Variants in SPICE1 observed in about 807,000 individuals in gnomAD.
The protein encoded by SPICE1 is spindle and centriole-associated protein 1.
SPICE1 carries 75 observed loss-of-function variants against 102.7 expected under a neutral mutation model. The observed-to-expected ratio is 0.73, with a 90% confidence interval of 0.61 to 0.88. The LOEUF is 0.88. SPICE1 is among the 40% of genes least tolerant of loss of function. The pLI is 0.00. For missense variants in SPICE1, 979 were observed against 1,020.1 expected (o/e 0.96, Z 0.55); for synonymous variants, 308 against 350.3 (o/e 0.88, Z 1.35).
chr3:113,472,297 G>A (rs1233271522), intron 7 of SPICE1, among the ~76,000 whole-genome samples: 1 of 152,236 alleles, frequency 6.6e-6, no homozygotes, highest in Non-Finnish European at 1.5e-5. Flanking sequence ...CAACTGGGTG[G>A]AGCCCACCAC....
intron 1 of SPICE1, among the ~76,000 whole-genome samples, chr3:113,506,949 G>A (rs1434620040): frequency 6.6e-6 from 1 of 152,162 alleles, no homozygotes; most frequent in Non-Finnish European, 1.5e-5. Context: ...GTAGAAAATA[G>A]CCCAGTCACA....
intron 13 of SPICE1, among the ~76,000 whole-genome samples, 170 bp downstream of exon 13, chr3:113,456,966 T>C (rs548605270): frequency 5.9e-5 from 9 of 152,378 alleles, no homozygotes; most frequent in Admixed American, 2.6e-4. Context: ...ATGTCACACA[T>C]GACCACAGGT....
Position 113,443,820 on chromosome 3 carries a change from G to A in SPICE1, c.*1487C>T, listed in dbSNP as rs778654010. ...GAGGATAATAGTACCTATCCCATAA[G>A]GTGTCATGAAGCACATAAAGTGGCT... On this transcript the variant is annotated 3_prime_UTR_variant, in exon 18 of 18. Coordinates refer to ENST00000295872, the MANE Select transcript of SPICE1 (RefSeq NM_144718.4). The A allele has an allele frequency of 1.3e-5, 2 of 152,092 alleles. No homozygotes were observed. The highest frequency in any genetic ancestry group is 2.4e-5 in the African/African-American group (1 of 41,420). 9.4% of individuals were successfully genotyped at this position (152,092 alleles called of 1,614,324 possible). A position where few individuals can be genotyped will look rare whatever the true frequency, so the allele number is the denominator to read the frequency against.
chr3:113,484,278 T>A (rs1343937707), intron 7 of SPICE1, among the ~76,000 whole-genome samples: 1 of 152,176 alleles, frequency 6.6e-6, no homozygotes, highest in South Asian at 2.1e-4. Flanking sequence ...TCTCTTTTTT[T>A]CTTTATTAGT....
chr3:113,450,303 T>A (rs771289320), intron 15 of SPICE1, 33 bp downstream of exon 15: 1 of 1,612,594 alleles, frequency 6.2e-7, no homozygotes, highest in South Asian at 1.1e-5. Flanking sequence ...ACCTTCATAT[T>A]TCTAGTTTTT....
intron 4 of SPICE1, among the ~76,000 whole-genome samples, chr3:113,498,222 T>C (rs145968515): frequency 1.5e-3 from 221 of 152,284 alleles, no homozygotes; most frequent in African/African-American, 5.1e-3. Flanking sequence ...CTGATTCTAA[T>C]GTGCAGTGAG....
intron 7 of SPICE1, among the ~76,000 whole-genome samples, chr3:113,484,940 A>T (rs1053055817): frequency 6.6e-6 from 1 of 152,044 alleles, no homozygotes; most frequent in Non-Finnish European, 1.5e-5. Flanking sequence ...TGTCTCATCG[A>T]TCTGTCTAAT....
Position 113,506,699 on chromosome 3 carries a change from T to A in SPICE1, c.1-94A>T, listed in dbSNP as rs560099000. 9.5e-4 allele frequency: 908 copies of A among 953,038 alleles called. 12 individuals carry two copies. In the South Asian group the frequency reaches 0.014, roughly 14 times the overall value. The allele number at this position is 953,038 out of a possible 1,614,324, so 59.0% of individuals were successfully genotyped here. On this transcript the variant is annotated intron_variant, in intron 1 of 17. Transcript: ENST00000295872. ...AAGACACCTGAAAAAAAAAACAAAT[T>A]TTAAAATGCCAGAAGAAAAATTTAA...
rs529676960 is a variant in SPICE1, at chr3:113,474,740, C to T, written c.612-5502G>A. On this transcript the variant is annotated intron_variant, in intron 7 of 17. Coordinates refer to ENST00000295872, the MANE Select transcript of SPICE1 (RefSeq NM_144718.4). ...AAATAAAGATGTTCTTTGAAACCAA[C>T]GAGAACAAAGACACAACATACCAGA... is the stretch of plus-strand genomic sequence containing the variant. 3.4e-3 allele frequency among the ~76,000 whole-genome samples: 511 copies of T among 152,058 alleles called. 2 individuals carry two copies. The highest frequency in any genetic ancestry group is 0.01 in the South Asian group (49 of 4,818).
chr3:113,480,680 CAAGAAAACAAGAATTGATTGGCATTTCCT>C (rs1936470013), intron 7 of SPICE1, among the ~76,000 whole-genome samples: 1 of 151,774 alleles, frequency 6.6e-6, no homozygotes, highest in South Asian at 2.1e-4. Flanking sequence ...ATAAAACAAT[CAAGAAAACAAGAATTGATTGGCATTTCCT>C]TAGCATTGTT....
At chr3:113,490,989 GT>G (rs969688161) in intron 6 of SPICE1, among the ~76,000 whole-genome samples, 4 of 152,028 alleles carry the variant, frequency 2.6e-5, no homozygotes, top group African/African-American at 9.7e-5. Context: ...CTCCAGTCTT[GT>G]CCCTCCCCAA....
chr3:113,463,646 G>A (rs1935984662), intron 11 of SPICE1, among the ~76,000 whole-genome samples: 1 of 152,186 alleles, frequency 6.6e-6, no homozygotes, highest in African/African-American at 2.4e-5. Context: ...TATACTAAGT[G>A]AAAGAAAAGC....
Position 113,460,672 on chromosome 3 carries a change from T to C in SPICE1, c.1380A>G (p.Gln460=). 6.2e-7 allele frequency: 1 copy of C among 1,614,028 alleles called. No homozygotes were observed. The highest frequency in any genetic ancestry group is 2.2e-5 in the East Asian group (1 of 44,876). The change falls in exon 12 of 18, where the codon CAA becomes CAG. Residue 460 remains glutamine (Q), a synonymous_variant. Transcript: ENST00000295872. ...IKNCPVINNR[Q]EIQASESGAT... The stretch of plus-strand genomic sequence containing the variant: ...CTCCGCTTTCTGATGCCTGAATTTC[T>C]TGTCTGTTATTTATCACAGGACAGT...
chr3:113,461,693 A>T (rs1935936992), intron 11 of SPICE1, among the ~76,000 whole-genome samples: 1 of 152,230 alleles, frequency 6.6e-6, no homozygotes, highest in Non-Finnish European at 1.5e-5. Flanking sequence ...CTCTGTAATA[A>T]TAACAAAGTA....
At chr3:113,514,679 C>T (rs371460929) in intron 1 of SPICE1, 2 of 914,788 alleles carry the variant, frequency 2.2e-6, no homozygotes, top group South Asian at 1.4e-5. Context: ...TCTGAGAAGC[C>T]CCTCTGACAT....
intron 7 of SPICE1, among the ~76,000 whole-genome samples, chr3:113,487,961 A>G (rs1462182755): frequency 6.6e-6 from 1 of 152,210 alleles, no homozygotes; most frequent in Admixed American, 6.5e-5. Context: ...GTACTTCTTC[A>G]AAACTATAAA....
chr3:113,451,836 T>A (rs1935659156), intron 14 of SPICE1, among the ~76,000 whole-genome samples: 1 of 152,160 alleles, frequency 6.6e-6, no homozygotes, highest in Non-Finnish European at 1.5e-5. Flanking sequence ...AATACCCATA[T>A]TGTCCTTATT....
At chr3:113,448,361 A>C (rs928092475) in intron 15 of SPICE1, among the ~76,000 whole-genome samples, 2 of 151,786 alleles carry the variant, frequency 1.3e-5, no homozygotes, top group Admixed American at 1.3e-4. Flanking sequence ...ATGCCAGTTC[A>C]TAGAGAGCCA....
chr3:113,458,552 C>T (rs975397064), intron 12 of SPICE1, among the ~76,000 whole-genome samples: 13 of 152,306 alleles, frequency 8.5e-5, no homozygotes, highest in East Asian at 5.8e-4. Flanking sequence ...GGCGTGATTT[C>T]GGCTCGCTAC....
Sources: allele counts gnomAD v4.1 joint callset (sites outside exome capture counted in the v4.1 genomes callset), GRCh38; gene constraint gnomAD v4.1.1; transcripts MANE v1.5; gene names NCBI Gene and HGNC (gene_info 2026-07-23, HGNC 2026-07-21).